UPF2: variants seen among roughly 807,000 people sequenced by gnomAD.
UPF2 encodes UPF2 regulator of nonsense mediated mRNA decay.
A neutral mutation model predicts 141.4 loss-of-function variants in UPF2; 17 were observed. That is an observed-to-expected ratio of 0.12 (90% CI 0.08 to 0.18). The LOEUF (loss-of-function observed/expected upper bound fraction) is 0.18. UPF2 is among the 10% of genes least tolerant of loss of function. UPF2 has a pLI of 1.00. For synonymous variants in UPF2, 540 were observed against 498.0 expected, an observed-to-expected ratio of 1.08 and a Z score of -1.12; for missense variants, 1,152 against 1,515.9, an observed-to-expected ratio of 0.76 and a Z score of 3.99.
At position 11,935,151 on chromosome 10, in the gene UPF2, A is replaced by T. The variant is rs534739038; in HGVS notation, c.3546+1394T>A. ...AGGGTCTTCCCTGATCATCCTACCT[A>T]AGAGGCAGCCTCCCTCTCCTGGCAT... On this transcript the variant is annotated intron_variant, in intron 19 of 21. Transcript: ENST00000357604. This position sits in a 1 kb window ranked among gnomAD's most constrained non-coding sequence, Gnocchi z 4.9. 6.6e-6 allele frequency among the ~76,000 whole-genome samples: 1 copy of T among 152,166 alleles called. No individual in the cohort carries two copies. Among genetic ancestry groups the T allele is most frequent in the African/African-American group, 2.4e-5 (1 of 41,524 alleles).
chr10:12,041,532 G>A (rs1422611659), intron 1 of UPF2, among the ~76,000 whole-genome samples: 1 of 152,076 alleles, frequency 6.6e-6, no homozygotes, highest in East Asian at 1.9e-4. Flanking sequence ...GCACAAAAGG[G>A]GGTGTTTCCC....
Position 11,956,601 on chromosome 10 carries a change from T to G in UPF2, c.2371-78A>C. 7.3e-7 allele frequency: 1 copy of G among 1,372,546 alleles called. No individual in the cohort carries two copies. The highest frequency in any genetic ancestry group is 1.0e-6 in the Non-Finnish European group (1 of 991,692). 85.0% of individuals were successfully genotyped at this position (1,372,546 alleles called of 1,614,324 possible). ...ACCAAATAATACAGAAATTTTGCTA[T>G]GATTGCGCAGAGAACTTTTGAAATA... On this transcript the variant is annotated intron_variant, in intron 12 of 21. Transcript: ENST00000357604. This position sits in a 1 kb window ranked among gnomAD's most constrained non-coding sequence, Gnocchi z 4.2.
intron 2 of UPF2, among the ~76,000 whole-genome samples, chr10:12,032,521 G>C (rs1328812557): frequency 2.0e-5 from 3 of 151,676 alleles, no homozygotes; most frequent in African/African-American, 7.3e-5. Flanking sequence ...AATTTTCCCA[G>C]GAGCTCAGGA....
Position 11,956,230 on chromosome 10 carries a change from A to T in UPF2, c.2574+90T>A, listed in dbSNP as rs1833148110. ...CTTTTTCTAACTAATAAATTTACAG[A>T]TTCCTATAACTTGAGTCTCAATAGT... On this transcript the variant is annotated intron_variant, in intron 13 of 21. Transcript: ENST00000357604. The surrounding 1 kb of genome is among the most constrained non-coding windows in gnomAD (Gnocchi z 4.2). 1 of 1,170,450 alleles carries T rather than the reference A, an allele frequency of 8.5e-7. No homozygotes were observed. The highest frequency in any genetic ancestry group is 1.5e-5 in the African/African-American group (1 of 64,580). 72.5% of individuals were successfully genotyped at this position (1,170,450 alleles called of 1,614,324 possible). A position where few individuals can be genotyped will look rare whatever the true frequency, so the allele number is the denominator to read the frequency against.
At chr10:11,996,165 C>T (rs1042307771) in intron 8 of UPF2, among the ~76,000 whole-genome samples, 4 of 152,074 alleles carry the variant, frequency 2.6e-5, no homozygotes, top group Non-Finnish European at 5.9e-5. Flanking sequence ...AGACCCGTAA[C>T]GAATTATTTA....
chr10:11,999,781 A>G, intron 7 of UPF2, 125 bp downstream of exon 7: 2 of 778,072 alleles, frequency 2.6e-6, no homozygotes, highest in Non-Finnish European at 4.3e-6. Flanking sequence ...ATTCCCATCT[A>G]AGACTTTATT....
chr10:11,931,240 C>T lies in UPF2; in HGVS notation c.3688+401G>A, dbSNP rs911068921. Among the ~76,000 whole-genome samples, 1 of 152,188 alleles carries T rather than the reference C, an allele frequency of 6.6e-6. No homozygotes were observed. The highest frequency in any genetic ancestry group is 1.5e-5 in the Non-Finnish European group (1 of 68,036). On this transcript the variant is annotated intron_variant, in intron 20 of 21. Coordinates refer to ENST00000357604, the MANE Select transcript of UPF2 (RefSeq NM_015542.4). This position sits in a 1 kb window ranked among gnomAD's most constrained non-coding sequence, Gnocchi z 5.9. ...TACAGCCTCAGTGTGTAGTAGGCTA[C>T]ACCATCTAGGTTTGTCAAGTACACT...
At position 11,936,482 on chromosome 10, in the gene UPF2, T is replaced by C; in HGVS notation, c.3546+63A>G. 1 of 1,486,152 alleles carries C rather than the reference T, an allele frequency of 6.7e-7. No homozygotes were observed. The highest frequency in any genetic ancestry group is 9.0e-7 in the Non-Finnish European group (1 of 1,112,812). 92.1% of individuals were successfully genotyped at this position (1,486,152 alleles called of 1,614,324 possible). A position where few individuals can be genotyped will look rare whatever the true frequency, so the allele number is the denominator to read the frequency against. ...CCCTTATCCCCTTGTAGGTCAAAGA[T>C]AAGTTAAAACCTAACTGTATAACTC... On this transcript the variant is annotated intron_variant, in intron 19 of 21. Transcript: ENST00000357604. This position sits in a 1 kb window ranked among gnomAD's most constrained non-coding sequence, Gnocchi z 6.6.
In UPF2 at chr10:11,982,569, C is replaced by T. The variant is rs140434709; in HGVS notation, c.1845-3404G>A. On this transcript the variant is annotated intron_variant, in intron 8 of 21. Coordinates refer to ENST00000357604, the MANE Select transcript of UPF2 (RefSeq NM_015542.4). The stretch of plus-strand genomic sequence containing the variant: ...CCAGTCTCCCTGTTTTGACCCGTTC[C>T]GAATACTCCAAGGAAACTGCACCTA... Among the ~76,000 whole-genome samples, 509 of 152,294 alleles carry T rather than the reference C, an allele frequency of 3.3e-3. 1 individual carries two copies. The highest frequency in any genetic ancestry group is 0.012 in the African/African-American group (487 of 41,552).
At chr10:11,989,501 T>C (rs886760379) in intron 8 of UPF2, among the ~76,000 whole-genome samples, 12 of 152,300 alleles carry the variant, frequency 7.9e-5, no homozygotes, top group African/African-American at 2.9e-4. Flanking sequence ...CAAAGCTATG[T>C]ATAAATTACA....
At position 11,968,286 on chromosome 10, in the gene UPF2, T is replaced by C. The variant is rs142020033; in HGVS notation, c.1954-832A>G. ...TGTGCTCTGCAAAACAGTTCCATGGTCGAGTAATTTGGAGAATAAAATGAA... is the reference window on the plus strand; with the variant it reads ...TGTGCTCTGCAAAACAGTTCCATGGCCGAGTAATTTGGAGAATAAAATGAA... On this transcript the variant is annotated intron_variant, in intron 9 of 21. Coordinates refer to ENST00000357604, the MANE Select transcript of UPF2 (RefSeq NM_015542.4). 1.6e-3 allele frequency among the ~76,000 whole-genome samples: 237 copies of C among 152,280 alleles called. 1 individual carries two copies. Among genetic ancestry groups the C allele is most frequent in the African/African-American group, 5.3e-3 (219 of 41,554 alleles).
rs554485474 is a variant in UPF2 at position 11,966,808 on chromosome 10, G to A, written c.2067+533C>T. ...CCCCTTGGAAGACTGTGAACTCACC[G>A]GTAGCCAACTGAGAAAAAATTTCTA... On this transcript the variant is annotated intron_variant, in intron 10 of 21. Transcript: ENST00000357604. Among the ~76,000 whole-genome samples the A allele has an allele frequency of 5.3e-5, 8 of 152,280 alleles. No individual in the cohort carries two copies. In the South Asian group the frequency reaches 8.3e-4, roughly 16 times the overall value.
intron 2 of UPF2, among the ~76,000 whole-genome samples, chr10:12,032,640 A>G (rs1834545556): frequency 6.6e-6 from 1 of 151,382 alleles, no homozygotes; most frequent in Admixed American, 6.6e-5. Flanking sequence ...CAAGAGGCAG[A>G]GGCGGGAGGA....
At chr10:12,002,025 C>T (rs1448626490) in intron 5 of UPF2, among the ~76,000 whole-genome samples, 200 bp from the exon 6 acceptor site, 1 of 152,130 alleles carries the variant, frequency 6.6e-6, no homozygotes, top group East Asian at 1.9e-4. Context: ...AATCCCAGCA[C>T]TTTGGGAGGC....
chr10:11,956,190 TA>T lies in UPF2; in HGVS notation c.2574+129del. 2 of 864,582 alleles carry T rather than the reference TA, an allele frequency of 2.3e-6. No homozygotes were observed. Among genetic ancestry groups the T allele is most frequent in the Non-Finnish European group, 3.6e-6 (2 of 557,874 alleles). The allele number at this position is 864,582 out of a possible 1,614,324, so 53.6% of individuals were successfully genotyped here. Reference sequence around the variant, plus strand: ...GGAAAGTGTTTACAGGAAATTCTTATAAAATGATTATCAGCTTTTTCTAACT... The same window carrying T: ...GGAAAGTGTTTACAGGAAATTCTTATAAATGATTATCAGCTTTTTCTAACT... On this transcript the variant is annotated intron_variant, in intron 13 of 21. Coordinates refer to ENST00000357604, the MANE Select transcript of UPF2 (RefSeq NM_015542.4). This position sits in a 1 kb window ranked among gnomAD's most constrained non-coding sequence, Gnocchi z 4.2.
chr10:11,963,468 T>C (rs1833271870), intron 11 of UPF2, among the ~76,000 whole-genome samples: 1 of 152,156 alleles, frequency 6.6e-6, no homozygotes, highest in Admixed American at 6.5e-5. Context: ...TTCTGAGTAG[T>C]TGGGACTACA....
chr10:12,042,748 G>A lies in UPF2; in HGVS notation c.-19+7C>T, dbSNP rs1834761389. ...AGCGGAGGGGAAGGAGGATCCCCGG[G>A]ACTCACCTCGAGCCTGTTGTCAACA... On this transcript the variant is annotated splice_region_variant and intron_variant, in intron 1 of 21. Coordinates refer to ENST00000357604, the MANE Select transcript of UPF2 (RefSeq NM_015542.4). This position sits in a 1 kb window ranked among gnomAD's most constrained non-coding sequence, Gnocchi z 5.5. 6.6e-6 allele frequency: 1 copy of A among 152,346 alleles called. No individual in the cohort carries two copies. Among genetic ancestry groups the A allele is most frequent in the Non-Finnish European group, 1.5e-5 (1 of 68,268 alleles). 9.4% of individuals were successfully genotyped at this position (152,346 alleles called of 1,614,324 possible).
chr10:11,966,146 T>C (rs929197814), intron 10 of UPF2, among the ~76,000 whole-genome samples: 4 of 152,222 alleles, frequency 2.6e-5, no homozygotes, highest in Non-Finnish European at 4.4e-5. Context: ...TTTGAAAAGA[T>C]TGTAAATTCT....
At chr10:11,942,593 C>T in intron 18 of UPF2, 72 bp downstream of exon 18, 2 of 1,434,118 alleles carry the variant, frequency 1.4e-6, no homozygotes, top group East Asian at 2.3e-5. Flanking sequence ...GAGGCCTTCA[C>T]ATGAACCAGA....
Sources: allele counts gnomAD v4.1 joint callset (sites outside exome capture counted in the v4.1 genomes callset), GRCh38; gene constraint gnomAD v4.1.1; non-coding constraint Gnocchi (gnomAD v3.1); transcripts MANE v1.5; gene names NCBI Gene and HGNC (gene_info 2026-07-23, HGNC 2026-07-21).